The following MMP26 variants were observed in gnomAD, a reference collection of about 807,000 sequenced individuals.
The protein encoded by MMP26 is matrix metalloproteinase-26.
MMP26 carries 33 observed loss-of-function variants against 31.0 expected under a neutral mutation model. That is an observed-to-expected ratio of 1.06 (90% CI 0.81 to 1.42). The LOEUF (loss-of-function observed/expected upper bound fraction) is 1.42. Ranked by LOEUF, MMP26 falls within the 40% of genes most tolerant of loss-of-function variation. The pLI is 0.00. For synonymous variants in MMP26, 122 were observed against 114.9 expected, an observed-to-expected ratio of 1.06 and a Z score of -0.40; for missense variants, 347 against 316.1, an observed-to-expected ratio of 1.10 and a Z score of -0.74.
intron 3 of MMP26, among the ~76,000 whole-genome samples, 183 bp downstream of exon 3, chr11:4,988,493 T>G (rs1846939785): frequency 6.6e-6 from 1 of 152,108 alleles, no homozygotes; most frequent in African/African-American, 2.4e-5. Flanking sequence ...AAAAATTAAT[T>G]TTTTGTAGCC....
At chr11:4,880,043 T>G (rs1313514307) in intron 2 of MMP26, among the ~76,000 whole-genome samples, 1 of 152,048 alleles carries the variant, frequency 6.6e-6, no homozygotes, top group Non-Finnish European at 1.5e-5. Context: ...TCCCAGCCCT[T>G]GATGGATGGG....
chr11:4,987,697 G>A (rs939098303), intron 2 of MMP26, among the ~76,000 whole-genome samples: 5 of 152,192 alleles, frequency 3.3e-5, no homozygotes, highest in Middle Eastern at 3.4e-3. Context: ...GATTACAGGC[G>A]TGAGCCATCG....
intron 2 of MMP26, among the ~76,000 whole-genome samples, chr11:4,782,217 G>A (rs1479406957): frequency 1.3e-5 from 2 of 152,172 alleles, no homozygotes; most frequent in Non-Finnish European, 2.9e-5. Flanking sequence ...ACTCCCTAGG[G>A]TCTTGTTGAA....
intron 6 of MMP26, 145 bp from the exon 7 acceptor site, chr11:4,991,819 C>T (rs1354006079): frequency 6.6e-6 from 5 of 758,252 alleles, no homozygotes; most frequent in Non-Finnish European, 1.0e-5. Flanking sequence ...CTTTCTTTCC[C>T]TCCTTGCCTA....
At chr11:4,758,727 T>A (rs10836584) in intron 1 of MMP26, among the ~76,000 whole-genome samples, 47,064 of 151,858 alleles carry the variant, frequency 0.31, 8,589 homozygotes, top group African/African-American at 0.49. Flanking sequence ...ACTTCCACAG[T>A]TTTAAAAGGG....
intron 2 of MMP26, among the ~76,000 whole-genome samples, chr11:4,902,015 C>T (rs901252240): frequency 6.6e-6 from 1 of 152,186 alleles, no homozygotes; most frequent in South Asian, 2.1e-4. Context: ...CTGCACCTGA[C>T]ATAAAACTTT....
chr11:4,728,532 A>G (rs1848132791), intron 1 of MMP26, among the ~76,000 whole-genome samples: 1 of 152,208 alleles, frequency 6.6e-6, no homozygotes, highest in Non-Finnish European at 1.5e-5. Flanking sequence ...TAAGTGTGAG[A>G]GAATTCAGAT....
chr11:4,769,278 G>A lies in MMP26; in HGVS notation c.-145+1937G>A, dbSNP rs142987564. ...AAGATATATGACAGGACAATGCATG[G>A]TGTATCTATTCCAGTGGTCAGGATG... is the stretch of plus-strand genomic sequence containing the variant. On this transcript the variant is annotated intron_variant, in intron 2 of 7. Coordinates refer to ENST00000380390, the MANE Select transcript of MMP26 (RefSeq NM_021801.5). The A allele has an allele frequency of 2.0e-5, 32 of 1,613,490 alleles. No homozygotes were observed. The African/African-American group carries it at 3.6e-4, about 18-fold the overall frequency.
rs749303533 is a variant in MMP26 at position 4,715,038 on chromosome 11, T to G, written c.-217+9993T>G. Among the ~76,000 whole-genome samples, 15 of 152,194 alleles carry G rather than the reference T, an allele frequency of 9.9e-5. 1 individual carries two copies. The highest frequency in any genetic ancestry group is 6.8e-3 in the Middle Eastern group (2 of 294). On this transcript the variant is annotated intron_variant, in intron 1 of 7. Transcript: ENST00000380390. ...ATATATAATTTTAGGCAACACAGCA[T>G]GTTTTAAATAGACAAAATTGAATGT... is the stretch of plus-strand genomic sequence containing the variant.
intron 2 of MMP26, among the ~76,000 whole-genome samples, chr11:4,871,431 T>C (rs967841209): frequency 5.3e-5 from 8 of 152,124 alleles, no homozygotes; most frequent in African/African-American, 1.9e-4. Flanking sequence ...TTTAATCGTA[T>C]TTCAATATAG....
At chr11:4,726,744 C>T (rs1259911512) in intron 1 of MMP26, among the ~76,000 whole-genome samples, 2 of 152,176 alleles carry the variant, frequency 1.3e-5, no homozygotes, top group Non-Finnish European at 2.9e-5. Flanking sequence ...TGGTGCTTCA[C>T]GCTTGTAATC....
At chr11:4,901,024 T>C (rs2595980) in intron 2 of MMP26, among the ~76,000 whole-genome samples, 151,787 of 152,258 alleles carry the variant, frequency 1, 75,661 homozygotes, top group Middle Eastern at 1. Context: ...CTAACTTGGC[T>C]TTCATCCCCC....
chr11:4,860,598 C>T (rs2133512830), intron 2 of MMP26: 2 of 415,938 alleles, frequency 4.8e-6, no homozygotes, highest in South Asian at 3.7e-5. Flanking sequence ...CTGGACTCCT[C>T]CACTTGGCTC....
chr11:4,872,052 C>T (rs1850317677), intron 2 of MMP26, among the ~76,000 whole-genome samples: 1 of 151,920 alleles, frequency 6.6e-6, no homozygotes, highest in African/African-American at 2.4e-5. Flanking sequence ...CTTCTCTGAC[C>T]CTTGTTTTTC....
At chr11:4,915,847 G>T (rs1271384777) in intron 2 of MMP26, 8 of 510,548 alleles carry the variant, frequency 1.6e-5, no homozygotes, top group African/African-American at 1.1e-4. Context: ...GTATCTTTTT[G>T]AGGAAATTTG....
chr11:4,734,275 T>C (rs4375437), intron 1 of MMP26, among the ~76,000 whole-genome samples: 44,176 of 152,076 alleles, frequency 0.29, 6,559 homozygotes, highest in South Asian at 0.36. Context: ...TGCCACTGAA[T>C]CATCTAGGTC....
At chr11:4,725,022 G>T (rs1007307045) in intron 1 of MMP26, among the ~76,000 whole-genome samples, 30 of 152,148 alleles carry the variant, frequency 2.0e-4, no homozygotes, top group African/African-American at 6.8e-4. Context: ...CATCCCTCTT[G>T]GTGCTGTTTT....
intron 2 of MMP26, among the ~76,000 whole-genome samples, chr11:4,810,532 C>T (rs1205966916): frequency 6.6e-6 from 1 of 152,134 alleles, no homozygotes; most frequent in African/African-American, 2.4e-5. Flanking sequence ...TAGCTACATA[C>T]CTGGCAGTGT....
At chr11:4,771,064 C>A (rs1172648411) in intron 2 of MMP26, among the ~76,000 whole-genome samples, 1 of 151,986 alleles carries the variant, frequency 6.6e-6, no homozygotes, top group African/African-American at 2.4e-5. Flanking sequence ...AGAAACTTGG[C>A]AGTGAAGGCA....
Sources: gnomAD v4.1 joint callset for allele counts (sites outside exome capture counted in the v4.1 genomes callset) on GRCh38, gnomAD v4.1.1 for gene constraint, MANE v1.5 for transcripts, NCBI Gene and HGNC (gene_info 2026-07-23, HGNC 2026-07-21) for gene names.